The following MATN3 variants were observed in gnomAD, a reference collection of about 807,000 sequenced individuals.
MATN3 encodes the protein matrilin-3.
MATN3 carries 48 observed loss-of-function variants against 45.3 expected under a neutral mutation model. The observed-to-expected ratio is 1.06, with a 90% CI of 0.84 to 1.35. The LOEUF (loss-of-function observed/expected upper bound fraction) is 1.35, where lower values mean the gene tolerates loss of function less well. MATN3 is among the 40% of genes most tolerant of loss of function. The probability of loss-of-function intolerance (pLI) is 0.00; values close to 1 mark genes in which losing one functional copy is unlikely to be tolerated. For synonymous variants in MATN3, 217 were observed against 245.9 expected (o/e 0.88, Z 1.10); for missense variants, 599 against 628.0 (o/e 0.95, Z 0.49).
Position 20,005,710 on chromosome 2 carries a change from C to T in MATN3, c.790+34G>A. 2.0e-6 allele frequency: 3 copies of T among 1,464,564 alleles called. No individual in the cohort carries two copies. The South Asian group carries it at 3.9e-5, about 19-fold the overall frequency. 90.7% of individuals were successfully genotyped at this position (1,464,564 alleles called of 1,614,324 possible). ...GTACACAATGTCTGAATATAACATC[C>T]TTTCTAGTTGGAAGCAAAGACTGAC... is the stretch of plus-strand genomic sequence containing the variant. On this transcript the variant is annotated intron_variant, in intron 2 of 7. Transcript: ENST00000407540.
intron 7 of MATN3, 36 bp downstream of exon 7, chr2:19,994,263 T>A (rs1262553922): frequency 7.0e-7 from 1 of 1,422,486 alleles, no homozygotes; most frequent in Non-Finnish European, 9.9e-7. Context: ...CTTGGTTGGC[T>A]CCAGGCAGAA....
At chr2:20,009,151 G>C (rs1274744604) in intron 1 of MATN3, among the ~76,000 whole-genome samples, 1 of 150,016 alleles carries the variant, frequency 6.7e-6, no homozygotes, top group Non-Finnish European at 1.5e-5. Context: ...CTTAAAGCTA[G>C]AGAGTCAAGG....
At chr2:20,007,010 G>C (rs565241527) in intron 1 of MATN3, among the ~76,000 whole-genome samples, 7 of 152,272 alleles carry the variant, frequency 4.6e-5, no homozygotes, top group African/African-American at 1.4e-4. Context: ...GAGGTCAGGA[G>C]ATCAAGACCA....
chr2:20,000,036 T>G (rs1672954972), intron 5 of MATN3, among the ~76,000 whole-genome samples: 1 of 152,214 alleles, frequency 6.6e-6, no homozygotes, highest in African/African-American at 2.4e-5. Context: ...GCTTTAAGAT[T>G]AACACTACAG....
At chr2:19,997,455 T>C in intron 5 of MATN3, 196 bp from the exon 6 acceptor site, 1 of 518,238 alleles carries the variant, frequency 1.9e-6, no homozygotes, top group South Asian at 2.5e-5. Context: ...TGGCCTCACA[T>C]CACACACACT....
chr2:19,995,285 T>G lies in MATN3; in HGVS notation c.1295-876A>C, dbSNP rs563709898. Among the ~76,000 whole-genome samples, 1 of 151,904 alleles carries G rather than the reference T, an allele frequency of 6.6e-6. No individual in the cohort carries two copies. On this transcript the variant is annotated intron_variant, in intron 6 of 7. Transcript: ENST00000407540. The surrounding 1 kb of genome is among the most constrained non-coding windows in gnomAD (Gnocchi z 4.2). ...CTGGACAACATAGTGAAACCCCGTC[T>G]CTAATAAAGACACAAAAATTAGCTG... is the stretch of plus-strand genomic sequence containing the variant.
Position 20,012,353 on chromosome 2 carries a change from G to A in MATN3, c.223+56C>T. ...CCGGGATGAAGCGCGCTTGGTGGAT[G>A]CCCTGGGCTTCTCCTCGTTCGATGC... On this transcript the variant is annotated intron_variant, in intron 1 of 7. Transcript: ENST00000407540. This position sits in a 1 kb window ranked among gnomAD's most constrained non-coding sequence, Gnocchi z 4.3. The A allele has an allele frequency of 8.4e-7, 1 of 1,189,420 alleles. No homozygotes were observed. The highest frequency in any genetic ancestry group is 1.1e-6 in the Non-Finnish European group (1 of 951,150). The allele number at this position is 1,189,420 out of a possible 1,614,324, so 73.7% of individuals were successfully genotyped here.
rs746475135 is a variant in MATN3, at chr2:20,006,142, A to G, written c.392T>C (p.Val131Ala). 6 of 1,613,880 alleles carry G rather than the reference A, an allele frequency of 3.7e-6. No homozygotes were observed. The Admixed American group carries it at 6.7e-5, about 18-fold the overall frequency. ...GGCCTGGAGTTGGAACTCGATCTTC[A>G]CAGTGCTAGCATAGTTCACCACTGC... is the stretch of plus-strand genomic sequence containing the variant. ...RVAVVNYAST[V>A]KIEFQLQAYT... The change falls in exon 2 of 8, where the codon GTG becomes GCG. Residue 131 changes from valine to alanine, a missense_variant. By Grantham distance (64) the Val-to-Ala change is moderately conservative. Transcript: ENST00000407540.
chr2:20,011,144 A>G (rs1673212447), intron 1 of MATN3, among the ~76,000 whole-genome samples: 1 of 152,240 alleles, frequency 6.6e-6, no homozygotes, highest in Non-Finnish European at 1.5e-5. Context: ...CGCATTTATT[A>G]ATGGGTTATC....
chr2:19,996,552 G>T (rs1019969632), intron 6 of MATN3, among the ~76,000 whole-genome samples: 1 of 152,098 alleles, frequency 6.6e-6, no homozygotes, highest in Non-Finnish European at 1.5e-5. Flanking sequence ...GGGAGGGTGG[G>T]AATGAGTGAG....
rs566439804 is a variant in MATN3, at chr2:20,001,153, A to C, written c.1043-587T>G. 8.5e-5 allele frequency among the ~76,000 whole-genome samples: 13 copies of C among 152,356 alleles called. No homozygotes were observed. The South Asian group carries it at 2.7e-3, about 32-fold the overall frequency. On this transcript the variant is annotated intron_variant, in intron 4 of 7. Transcript: ENST00000407540. ...AAAAGGTTGCAAAAACAGTGCAAAAAATTCCTGTACTTCACCCTGTTTCCC... is the reference window on the plus strand; with the variant it reads ...AAAAGGTTGCAAAAACAGTGCAAAACATTCCTGTACTTCACCCTGTTTCCC...
Position 19,997,257 on chromosome 2 carries a change from G to A in MATN3, c.1171C>T (p.Arg391Cys), listed in dbSNP as rs146599945. ...LNADKKTCSV[R>C]DKCALGSHGC... is the part of the protein sequence containing the mutation. Reference sequence around the variant, plus strand: ...TGAGAGCCTAGGGCACACTTGTCACGGACTGACCGCACGTGGTGCAGGAAA... The same window carrying A: ...TGAGAGCCTAGGGCACACTTGTCACAGACTGACCGCACGTGGTGCAGGAAA... Residue 391 changes from arginine to cysteine, a missense_variant and splice_region_variant, in exon 6 of 8, where the codon CGT (arginine) becomes TGT (cysteine). By Grantham distance (180) the Arg-to-Cys change is radical. Coordinates refer to ENST00000407540, the MANE Select transcript of MATN3 (RefSeq NM_002381.5). 1.6e-3 allele frequency: 2,637 copies of A among 1,605,644 alleles called. 8 individuals carry two copies. Among genetic ancestry groups the A allele is most frequent in the Non-Finnish European group, 2.1e-3 (2,427 of 1,177,222 alleles).
At position 20,010,067 on chromosome 2, in the gene MATN3, T is replaced by TAAAAAAAAAAAAAAAAAAAAAAAAAAAA. The variant is rs57140153; in HGVS notation, c.223+2341_223+2342insTTTTTTTTTTTTTTTTTTTTTTTTTTTT. On this transcript the variant is annotated intron_variant, in intron 1 of 7. Coordinates refer to ENST00000407540, the MANE Select transcript of MATN3 (RefSeq NM_002381.5). ...TCTCAGAATAAATCTCTTCAAATAC[T>TAAAAAAAAAAAAAAAAAAAAAAAAAAAA]AAAAAAAAAAAAAAAAAAAAAAACC... Among the ~76,000 whole-genome samples, 48 of 68,682 alleles carry TAAAAAAAAAAAAAAAAAAAAAAAAAAAA rather than the reference T, an allele frequency of 7.0e-4. 5 individuals carry two copies. Among genetic ancestry groups the TAAAAAAAAAAAAAAAAAAAAAAAAAAAA allele is most frequent in the African/African-American group, 1.5e-3 (21 of 13,856 alleles). The allele number at this position is 68,682 out of a possible 152,430, so 45.1% of individuals were successfully genotyped here.
chr2:20,000,419 G>T (rs753890373), intron 5 of MATN3, 22 bp downstream of exon 5: 20 of 1,584,210 alleles, frequency 1.3e-5, no homozygotes, highest in Admixed American at 1.1e-4. Flanking sequence ...AAGTATGAAA[G>T]AATTTTTTGA....
intron 1 of MATN3, among the ~76,000 whole-genome samples, chr2:20,011,989 G>A (rs1447275462): frequency 6.6e-6 from 1 of 152,232 alleles, no homozygotes; most frequent in African/African-American, 2.4e-5. Flanking sequence ...CCTGAGGACT[G>A]TGGGAGGGGA....
At chr2:20,010,066 C>CAAAAAA (rs1558376342) in intron 1 of MATN3, among the ~76,000 whole-genome samples, 9 of 5,538 alleles carry the variant, frequency 1.6e-3, no homozygotes, top group Admixed American at 2.8e-3. Context: ...TCTTCAAATA[C>CAAAAAA]TAAAAAAAAA....
At chr2:19,994,624 T>C (rs1672825972) in intron 6 of MATN3, among the ~76,000 whole-genome samples, 1 of 152,204 alleles carries the variant, frequency 6.6e-6, no homozygotes, top group Non-Finnish European at 1.5e-5. Flanking sequence ...ATGTTTATAA[T>C]TGTCAAAGCT....
chr2:19,993,294 T>C, intron 7 of MATN3, 128 bp from the exon 8 acceptor site: 1 of 769,840 alleles, frequency 1.3e-6, no homozygotes, highest in African/African-American at 1.8e-5. Context: ...AAAACTGTTT[T>C]CTCACCAAAA....
chr2:19,997,911 A>T (rs1048581988), intron 5 of MATN3: 3 of 152,238 alleles, frequency 2.0e-5, no homozygotes, highest in African/African-American at 7.2e-5. Flanking sequence ...CCCAAATTTG[A>T]GTGGAGAGGA....
Sources: gnomAD v4.1 joint callset for allele counts (sites outside exome capture counted in the v4.1 genomes callset) on GRCh38, gnomAD v4.1.1 for gene constraint, Gnocchi (gnomAD v3.1) non-coding constraint, MANE v1.5 for transcripts, NCBI Gene and HGNC (gene_info 2026-07-23, HGNC 2026-07-21) for gene names.